CLDN14: variants seen among roughly 807,000 people sequenced by gnomAD.
CLDN14 encodes the protein claudin 14.
In CLDN14, 2 loss-of-function variants were observed where a neutral mutation model predicts 2.1. The ratio of observed to expected loss-of-function variants is 0.96; its 90% confidence interval spans 0.39 to 3.01. CLDN14 has a LOEUF of 3.01. Ranked by LOEUF, CLDN14 falls within the 30% of genes most tolerant of loss-of-function variation. The pLI is 0.09. For synonymous variants in CLDN14, 136 were observed against 154.4 expected, an observed-to-expected ratio of 0.88 and a Z score of 0.88; for missense variants, 298 against 328.0, an observed-to-expected ratio of 0.91 and a Z score of 0.71.
chr21:36,482,772 C>T (rs2086861462), upstream of CLDN14, among the ~76,000 whole-genome samples: 1 of 152,058 alleles, frequency 6.6e-6, no homozygotes, highest in Non-Finnish European at 1.5e-5. Flanking sequence ...ACAGCATATC[C>T]TGTGAAAGTC....
At chr21:36,533,666 A>G (rs1323648205) in intron 1 of CLDN14, among the ~76,000 whole-genome samples, 1 of 152,200 alleles carries the variant, frequency 6.6e-6, no homozygotes, top group Non-Finnish European at 1.5e-5. Flanking sequence ...AGCCATAAAA[A>G]AGAGCCAGAT....
At chr21:36,521,471 C>G (rs568249184) in intron 1 of CLDN14, among the ~76,000 whole-genome samples, 19 of 152,316 alleles carry the variant, frequency 1.2e-4, no homozygotes, top group Admixed American at 1.0e-3. Flanking sequence ...TCAGACATAC[C>G]ATCTTGTAAC....
chr21:36,499,353 G>A lies in CLDN14; in HGVS notation c.-82+11010C>T, dbSNP rs990697309. 5.9e-5 allele frequency among the ~76,000 whole-genome samples: 9 copies of A among 152,148 alleles called. No homozygotes were observed. Among genetic ancestry groups the A allele is most frequent in the South Asian group, 2.1e-4 (1 of 4,818 alleles). On this transcript the variant is annotated intron_variant, in intron 2 of 2. Coordinates refer to the CLDN14 transcript ENST00000342108. This position sits in a 1 kb window ranked among gnomAD's most constrained non-coding sequence, Gnocchi z 4.7. ...CAACCTCTGCCTCCTGGGTTCAAGC[G>A]ATTCTCCTGCCTCAGCCTCCCAAGT...
intron 1 of CLDN14, among the ~76,000 whole-genome samples, chr21:36,528,495 G>A (rs2087352882): frequency 1.3e-5 from 2 of 152,296 alleles, no homozygotes; most frequent in Admixed American, 1.3e-4. Context: ...CCTTCTCAGA[G>A]AGAAGTCAGC....
At chr21:36,569,908 A>C (rs1212513894) in intron 1 of CLDN14, among the ~76,000 whole-genome samples, 1 of 152,238 alleles carries the variant, frequency 6.6e-6, no homozygotes, top group Non-Finnish European at 1.5e-5. Flanking sequence ...TATCTGAGAC[A>C]GGTCTCAATC....
At chr21:36,540,008 G>A (rs1357930942) in intron 1 of CLDN14, among the ~76,000 whole-genome samples, 1 of 150,528 alleles carries the variant, frequency 6.6e-6, no homozygotes, top group Non-Finnish European at 1.5e-5. Flanking sequence ...AGTATGTGAT[G>A]TATGTGTGTG....
chr21:36,486,385 C>T (rs1440321022), intron 2 of CLDN14: 2 of 999,936 alleles, frequency 2.0e-6, no homozygotes, highest in Non-Finnish European at 3.2e-6. Flanking sequence ...GCAGAGGCTG[C>T]AGCTGCTCGT....
intron 1 of CLDN14, among the ~76,000 whole-genome samples, chr21:36,469,831 A>G (rs2086687911): frequency 6.6e-6 from 1 of 152,208 alleles, no homozygotes; most frequent in Non-Finnish European, 1.5e-5. Flanking sequence ...TTTAAAATGC[A>G]GTAGATCAAC....
upstream of CLDN14, among the ~76,000 whole-genome samples, chr21:36,482,845 G>A (rs768995766): frequency 6.6e-6 from 1 of 152,342 alleles, no homozygotes; most frequent in Non-Finnish European, 1.5e-5. Flanking sequence ...TCTGACCTAA[G>A]GAGACTGCTT....
In CLDN14 at chr21:36,544,361, C is replaced by A. The variant is rs2087512575; in HGVS notation, c.-220+32050G>T. On this transcript the variant is annotated intron_variant, in intron 1 of 2. Coordinates refer to the CLDN14 transcript ENST00000342108. This position sits in a 1 kb window ranked among gnomAD's most constrained non-coding sequence, Gnocchi z 4.1. ...CAGCCGAGGCTGTCTGACATCCAGA[C>A]CCCATCACAGGGTAGGCCTGCTGGA... 6.6e-6 allele frequency among the ~76,000 whole-genome samples: 1 copy of A among 152,190 alleles called. No homozygotes were observed. The highest frequency in any genetic ancestry group is 2.4e-5 in the African/African-American group (1 of 41,438).
chr21:36,541,111 G>A (rs1486322254), intron 1 of CLDN14, among the ~76,000 whole-genome samples: 2 of 152,200 alleles, frequency 1.3e-5, no homozygotes, highest in Non-Finnish European at 2.9e-5. Context: ...GCCAGTGGTG[G>A]TGCCAATTCC....
At chr21:36,517,594 G>A (rs1051765831) in intron 1 of CLDN14, among the ~76,000 whole-genome samples, 22 of 152,146 alleles carry the variant, frequency 1.4e-4, no homozygotes, top group Non-Finnish European at 1.0e-4. Flanking sequence ...GACAAGACTC[G>A]CCATGCATAT....
At chr21:36,516,586 AC>A (rs1002892122) in intron 1 of CLDN14, among the ~76,000 whole-genome samples, 13 of 152,248 alleles carry the variant, frequency 8.5e-5, no homozygotes, top group Non-Finnish European at 1.3e-4. Context: ...AATTTTACCA[AC>A]AAAGTACTAC....
At chr21:36,464,791 A>G (rs917451186) in intron 1 of CLDN14, among the ~76,000 whole-genome samples, 2 of 152,198 alleles carry the variant, frequency 1.3e-5, no homozygotes, top group Non-Finnish European at 2.9e-5. Flanking sequence ...CCCTTTTTAC[A>G]CATGGGGAAA....
intron 2 of CLDN14, among the ~76,000 whole-genome samples, chr21:36,506,352 T>C (rs2087132536): frequency 6.6e-6 from 1 of 152,094 alleles, no homozygotes; most frequent in African/African-American, 2.4e-5. Flanking sequence ...ATCCCAGCAT[T>C]TTGGGAGGCC....
At chr21:36,553,070 G>T (rs757498400) in intron 1 of CLDN14, among the ~76,000 whole-genome samples, 5 of 152,196 alleles carry the variant, frequency 3.3e-5, no homozygotes, top group African/African-American at 9.7e-5. Flanking sequence ...CAACAGGAGA[G>T]TGCGCAACAG....
intron 1 of CLDN14, among the ~76,000 whole-genome samples, chr21:36,511,053 G>A (rs73392032): frequency 0.047 from 7,123 of 152,288 alleles, 560 homozygotes; most frequent in African/African-American, 0.16. Context: ...AAGGGGAGAA[G>A]GGAAACCTAG....
At chr21:36,564,525 G>T (rs1835915757) in intron 1 of CLDN14, among the ~76,000 whole-genome samples, 1 of 152,170 alleles carries the variant, frequency 6.6e-6, no homozygotes, top group South Asian at 2.1e-4. Flanking sequence ...AGAAGGGGCT[G>T]GGATTGAGTC....
At chr21:36,515,034 A>G (rs1031295344) in intron 1 of CLDN14, among the ~76,000 whole-genome samples, 1 of 152,228 alleles carries the variant, frequency 6.6e-6, no homozygotes, top group Non-Finnish European at 1.5e-5. Context: ...GATAGCCTGT[A>G]TCAAAAACCA....
Sources: gnomAD v4.1 joint callset for allele counts (sites outside exome capture counted in the v4.1 genomes callset) on GRCh38, gnomAD v4.1.1 for gene constraint, Gnocchi (gnomAD v3.1) non-coding constraint, MANE v1.5 for transcripts, NCBI Gene and HGNC (gene_info 2026-07-23, HGNC 2026-07-21) for gene names.